Variants in CHL1 observed in about 807,000 individuals in gnomAD.
CHL1 encodes cell adhesion molecule L1 like.
CHL1 carries 96 observed loss-of-function variants against 141.9 expected under a neutral mutation model. The observed-to-expected ratio is 0.68, with a 90% confidence interval of 0.57 to 0.80. The LOEUF (loss-of-function observed/expected upper bound fraction) is 0.80. CHL1 is among the 30% of genes least tolerant of loss of function. CHL1 has a pLI of 0.00. For missense variants in CHL1, 1,820 were observed against 1,457.2 expected (o/e 1.25, Z -4.05); for synonymous variants, 613 against 502.2 (o/e 1.22, Z -2.95).
At chr3:385,087 T>C (rs1414316996) in intron 19 of CHL1, among the ~76,000 whole-genome samples, 1 of 152,240 alleles carries the variant, frequency 6.6e-6, no homozygotes, top group Non-Finnish European at 1.5e-5. Context: ...TAGTTACTAC[T>C]ACATTGTCTT....
intron 2 of CHL1, among the ~76,000 whole-genome samples, chr3:292,600 A>T (rs1260959469): frequency 6.6e-6 from 1 of 152,206 alleles, no homozygotes; most frequent in Non-Finnish European, 1.5e-5. Flanking sequence ...CTGTTCTTGT[A>T]TTGCTATAAA....
At chr3:400,314 G>T (rs1217769579) in intron 26 of CHL1, among the ~76,000 whole-genome samples, 1 of 152,138 alleles carries the variant, frequency 6.6e-6, no homozygotes, top group African/African-American at 2.4e-5. Flanking sequence ...TTTCTCTGAA[G>T]ACTGAATGAT....
chr3:259,493 TA>T (rs1694504873), intron 2 of CHL1, among the ~76,000 whole-genome samples: 1 of 152,134 alleles, frequency 6.6e-6, no homozygotes. Flanking sequence ...AGCCTGTTTT[TA>T]AAAAAGTATT....
chr3:230,256 G>A (rs921250757), intron 1 of CHL1, among the ~76,000 whole-genome samples: 19 of 152,150 alleles, frequency 1.2e-4, no homozygotes, highest in Admixed American at 3.9e-4. Flanking sequence ...TATGTGAAGA[G>A]ATGAAGGAAG....
rs570981105 is a variant in CHL1 at position 382,314 on chromosome 3, CTAGA to C, written c.1978+38_1978+41del. The C allele has an allele frequency of 9.8e-5, 154 of 1,570,110 alleles. 1 individual carries two copies. In the African/African-American group the frequency reaches 2.0e-3, roughly 20 times the overall value. On this transcript the variant is annotated intron_variant, in intron 17 of 27. Coordinates refer to ENST00000256509, the MANE Select transcript of CHL1 (RefSeq NM_006614.4). The stretch of plus-strand genomic sequence containing the variant: ...ACTTGGGATAACTGTTTTCATTACT[CTAGA>C]TAGTCAAAATTAATAGCGAAGTCAC...
chr3:203,726 A>C (rs1439878720), intron 1 of CHL1, among the ~76,000 whole-genome samples: 4 of 152,224 alleles, frequency 2.6e-5, no homozygotes, highest in Non-Finnish European at 4.4e-5. Flanking sequence ...CTACTGTCAA[A>C]TCACAAGACA....
intron 9 of CHL1, among the ~76,000 whole-genome samples, chr3:346,990 T>C (rs1227970490): frequency 2.0e-5 from 3 of 152,168 alleles, no homozygotes; most frequent in Non-Finnish European, 2.9e-5. Context: ...ATATAATTTA[T>C]CTCAAGATAG....
chr3:279,327 C>G (rs764895835), intron 2 of CHL1, among the ~76,000 whole-genome samples: 2 of 151,968 alleles, frequency 1.3e-5, no homozygotes, highest in Non-Finnish European at 2.9e-5. Flanking sequence ...TTTTGCAGAG[C>G]CTTAAGCTTC....
intron 14 of CHL1, chr3:364,038 G>T (rs1365636903): frequency 1.3e-5 from 2 of 152,092 alleles, no homozygotes; most frequent in Admixed American, 6.6e-5. Flanking sequence ...ATAAGGGAGA[G>T]CATATTTGTT....
At chr3:395,340 A>T (rs1708582672) in intron 24 of CHL1, among the ~76,000 whole-genome samples, 1 of 152,216 alleles carries the variant, frequency 6.6e-6, no homozygotes, top group South Asian at 2.1e-4. Flanking sequence ...TTACTGTCTG[A>T]TGATGGATGC....
At chr3:302,516 A>C (rs187879954) in intron 2 of CHL1, among the ~76,000 whole-genome samples, 33 of 152,238 alleles carry the variant, frequency 2.2e-4, no homozygotes, top group African/African-American at 6.0e-4. Flanking sequence ...GCATTTTTTC[A>C]TATGTCTGTT....
chr3:222,415 A>G (rs1262518501), intron 1 of CHL1, among the ~76,000 whole-genome samples: 1 of 152,196 alleles, frequency 6.6e-6, no homozygotes, highest in Non-Finnish European at 1.5e-5. Flanking sequence ...AAAGCATAAA[A>G]TTTATTTACC....
rs1704258612 is a variant in CHL1 at position 361,601 on chromosome 3, T to C, written c.1307-98T>C. The C allele has an allele frequency of 1.7e-5, 13 of 754,088 alleles. No homozygotes were observed. In the South Asian group the frequency reaches 2.1e-4, roughly 12 times the overall value. 46.7% of individuals were successfully genotyped at this position (754,088 alleles called of 1,614,324 possible). The stretch of plus-strand genomic sequence containing the variant: ...ACAGACACCATAATATTCTGCTGTT[T>C]TCTGTTTGTATTCGTATGACTAGGA... On this transcript the variant is annotated intron_variant, in intron 12 of 27. Transcript: ENST00000256509.
At chr3:251,111 C>G (rs1411945248) in intron 2 of CHL1, among the ~76,000 whole-genome samples, 1 of 151,882 alleles carries the variant, frequency 6.6e-6, no homozygotes, top group African/African-American at 2.4e-5. Context: ...TCAGAGAAAG[C>G]TTCTCTGAGC....
chr3:355,519 A>G (rs1703634262), intron 11 of CHL1, among the ~76,000 whole-genome samples: 1 of 152,128 alleles, frequency 6.6e-6, no homozygotes, highest in Admixed American at 6.5e-5. Flanking sequence ...CTTGTTCAGG[A>G]AGAAGGATAG....
intron 2 of CHL1, among the ~76,000 whole-genome samples, chr3:314,013 C>T (rs1699957927): frequency 6.6e-6 from 1 of 152,018 alleles, no homozygotes; most frequent in Non-Finnish European, 1.5e-5. Context: ...TAAAGAAACC[C>T]CACATTTTCT....
intron 2 of CHL1, among the ~76,000 whole-genome samples, chr3:256,873 C>T (rs1473727889): frequency 6.6e-6 from 1 of 152,146 alleles, no homozygotes; most frequent in Non-Finnish European, 1.5e-5. Context: ...ATTTTACCAG[C>T]CTTGGAATCT....
At chr3:282,104 G>A (rs1470684322) in intron 2 of CHL1, among the ~76,000 whole-genome samples, 1 of 151,434 alleles carries the variant, frequency 6.6e-6, no homozygotes, top group African/African-American at 2.4e-5. Context: ...AATAAATATT[G>A]TCTGGCATGC....
intron 1 of CHL1, among the ~76,000 whole-genome samples, chr3:234,199 A>G (rs1056433055): frequency 4.6e-5 from 7 of 150,864 alleles, no homozygotes; most frequent in Non-Finnish European, 1.0e-4. Flanking sequence ...GTGTGTATAT[A>G]TATATATATG....
Sources: gnomAD v4.1 joint callset for allele counts (sites outside exome capture counted in the v4.1 genomes callset) on GRCh38, gnomAD v4.1.1 for gene constraint, MANE v1.5 for transcripts, NCBI Gene and HGNC (gene_info 2026-07-23, HGNC 2026-07-21) for gene names.